Variants in GPRC5C observed in about 807,000 individuals in gnomAD.
The protein encoded by GPRC5C is G protein-coupled receptor family C group 5 member C.
Under a neutral mutation model 31.4 loss-of-function variants are expected in GPRC5C, and 22 were observed. The ratio of observed to expected loss-of-function variants is 0.70; its 90% CI spans 0.50 to 1.00. GPRC5C has a LOEUF of 1.00. Among genes scored for constraint, GPRC5C ranks in the 50% least tolerant of loss-of-function variants. GPRC5C has a pLI of 0.00. For missense variants in GPRC5C, 557 were observed against 597.2 expected (o/e 0.93, Z 0.70); for synonymous variants, 249 against 257.5 (o/e 0.97, Z 0.32).
chr17:74,434,223 G>C (rs1294641529), intron 1 of GPRC5C, among the ~76,000 whole-genome samples: 1 of 152,208 alleles, frequency 6.6e-6, no homozygotes, highest in Non-Finnish European at 1.5e-5. Flanking sequence ...GGCTTCAGCT[G>C]TGGGGTGGGG....
chr17:74,446,819 G>A (rs752524370), intron 3 of GPRC5C, 30 bp from the exon 4 acceptor site: 69 of 1,566,382 alleles, frequency 4.4e-5, no homozygotes, highest in South Asian at 3.3e-4. Context: ...CCCAATCCCC[G>A]ACTGTGAGAC....
rs577716043 is a variant in GPRC5C at position 74,438,599 on chromosome 17, A to G, written c.-32-1146A>G. 2.2e-4 allele frequency among the ~76,000 whole-genome samples: 34 copies of G among 151,510 alleles called. 1 individual carries two copies. In the South Asian group the frequency reaches 6.7e-3, roughly 30 times the overall value. On this transcript the variant is annotated intron_variant, in intron 1 of 3. Transcript: ENST00000392627. ...TTTTTTATAGAGACGGGGTTTCACC[A>G]TGTTGCCCAGGCTGGTCTCAAACTC...
chr17:74,437,987 C>T (rs535951053), intron 1 of GPRC5C, among the ~76,000 whole-genome samples: 7 of 151,950 alleles, frequency 4.6e-5, no homozygotes, highest in Middle Eastern at 6.8e-3. Context: ...AATTTTGAAA[C>T]GTATAACCTG....
chr17:74,444,022 A>G, intron 3 of GPRC5C, 110 bp downstream of exon 3: 1 of 731,268 alleles, frequency 1.4e-6, no homozygotes, highest in Admixed American at 2.8e-5. Context: ...GGAGGTGGTA[A>G]GGGGAAGGCA....
chr17:74,446,783 T>C (rs1036376264), intron 3 of GPRC5C, 66 bp from the exon 4 acceptor site: 50 of 1,261,748 alleles, frequency 4.0e-5, no homozygotes, highest in Non-Finnish European at 4.8e-5. Flanking sequence ...GAAGTGTTTG[T>C]GCATCCGCCC....
At chr17:74,432,601 G>C (rs896230206) in intron 1 of GPRC5C, 1 of 791,110 alleles carries the variant, frequency 1.3e-6, no homozygotes. Flanking sequence ...GGGCAGAGGC[G>C]GGGGGACTGG....
chr17:74,434,734 C>T (rs1598426172), intron 1 of GPRC5C, among the ~76,000 whole-genome samples: 2 of 152,208 alleles, frequency 1.3e-5, no homozygotes, highest in South Asian at 4.1e-4. Flanking sequence ...ACCAGCCTGG[C>T]CAACATAGTG....
At chr17:74,432,887 G>T (rs547718741) in intron 1 of GPRC5C, among the ~76,000 whole-genome samples, 1 of 152,166 alleles carries the variant, frequency 6.6e-6, no homozygotes, top group East Asian at 1.9e-4. Context: ...CTAAAAATGG[G>T]AGAGAGTGAC....
intron 2 of GPRC5C, among the ~76,000 whole-genome samples, chr17:74,441,251 TGGGTGACAGAGCAA>T (rs544352198): frequency 0.014 from 2,104 of 152,230 alleles, 30 homozygotes; most frequent in Middle Eastern, 0.031. Flanking sequence ...CACTCCAGCC[TGGGTGACAGAGCAA>T]GACTCCATCT....
chr17:74,442,924 G>C (rs375755961), intron 2 of GPRC5C, among the ~76,000 whole-genome samples: 2 of 152,150 alleles, frequency 1.3e-5, no homozygotes, highest in Non-Finnish European at 2.9e-5. Context: ...ACTGAATGCC[G>C]GTCGGGGCCA....
At chr17:74,433,835 G>C in intron 1 of GPRC5C, 1 of 1,051,704 alleles carries the variant, frequency 9.5e-7, no homozygotes, top group Non-Finnish European at 1.5e-6. Context: ...CTGGTGGGTG[G>C]AGGGGGTCTC....
chr17:74,440,484 G>A lies in GPRC5C; in HGVS notation c.708G>A (p.Lys236=), dbSNP rs763743449. 3 of 1,614,156 alleles carry A rather than the reference G, an allele frequency of 1.9e-6. No individual in the cohort carries two copies. Among genetic ancestry groups the A allele is most frequent in the South Asian group, 2.2e-5 (2 of 91,092 alleles). Residue 236 remains lysine (K), a synonymous_variant, in exon 2 of 4, where the codon AAG becomes AAA. Coordinates refer to ENST00000392627, the MANE Select transcript of GPRC5C (RefSeq NM_022036.4). This position sits in a 1 kb window ranked among gnomAD's most constrained non-coding sequence, Gnocchi z 4.4. The part of the protein sequence containing the change: ...GAWPALCGRY[K]RWRKHGVFVL... ...GGCCCGCCCTGTGTGGCCGCTACAAGCGCTGGCGTAAGCATGGGGTCTTTG... is the reference window on the plus strand; with the variant it reads ...GGCCCGCCCTGTGTGGCCGCTACAAACGCTGGCGTAAGCATGGGGTCTTTG...
chr17:74,432,492 T>G (rs1447369234), intron 1 of GPRC5C: 4 of 1,026,872 alleles, frequency 3.9e-6, no homozygotes, highest in Non-Finnish European at 4.7e-6. Flanking sequence ...CCCCAAACGC[T>G]GCGCTGGAGC....
rs375638770 is a variant in GPRC5C at position 74,439,911 on chromosome 17, C to G, written c.135C>G (p.Arg45=). 6.2e-7 allele frequency: 1 copy of G among 1,612,804 alleles called. No individual in the cohort carries two copies. The highest frequency in any genetic ancestry group is 8.5e-7 in the Non-Finnish European group (1 of 1,180,030). ...CCCTGTACTACAACCTGTGTGACCGCTCTGGGGCGTGGGGCATCGTCCTGG... is the reference window on the plus strand; with the variant it reads ...CCCTGTACTACAACCTGTGTGACCGGTCTGGGGCGTGGGGCATCGTCCTGG... ...LNPLYYNLCD[R]SGAWGIVLEA... Residue 45 remains arginine (R), a synonymous_variant, in exon 2 of 4, where the codon CGC becomes CGG. Transcript: ENST00000392627.
chr17:74,440,249 C>A lies in GPRC5C; in HGVS notation c.473C>A (p.Thr158Asn). 1.2e-6 allele frequency: 2 copies of A among 1,614,224 alleles called. No homozygotes were observed. The highest frequency in any genetic ancestry group is 1.7e-6 in the Non-Finnish European group (2 of 1,180,044). The change falls in exon 2 of 4, where the codon ACT (threonine) becomes AAT (asparagine). Residue 158 changes from threonine to asparagine, a missense_variant. Transcript: ENST00000392627. The surrounding 1 kb of genome is among the most constrained non-coding windows in gnomAD (Gnocchi z 4.4). ...NHGPRGWVIF[T>N]VALLLTLVEV... The stretch of plus-strand genomic sequence containing the variant: ...GGGCCCCGGGGCTGGGTGATCTTCA[C>A]TGTGGCTCTGCTGCTGACCCTGGTA...
At position 74,440,086 on chromosome 17, in the gene GPRC5C, G is replaced by A. The variant is rs751740086; in HGVS notation, c.310G>A (p.Val104Met). 74 of 1,613,648 alleles carry A rather than the reference G, an allele frequency of 4.6e-5. No individual in the cohort carries two copies. Among genetic ancestry groups the A allele is most frequent in the South Asian group, 1.8e-4 (16 of 91,080 alleles). ...LLGTLGLFCL[V>M]FACVVKPDFS... ...GGGGACCCTGGGCCTCTTCTGCCTC[G>A]TGTTTGCCTGTGTGGTGAAGCCCGA... Residue 104 changes from valine (V) to methionine (M), a missense_variant, in exon 2 of 4, where the codon GTG (valine) becomes ATG (methionine). Val to Met is a conservative substitution (Grantham distance 21). Transcript: ENST00000392627. This position sits in a 1 kb window ranked among gnomAD's most constrained non-coding sequence, Gnocchi z 4.4.
intron 1 of GPRC5C, among the ~76,000 whole-genome samples, chr17:74,435,401 C>G (rs2055418678): frequency 1.3e-5 from 2 of 152,202 alleles, no homozygotes; most frequent in Non-Finnish European, 2.9e-5. Flanking sequence ...TTCCCACCTG[C>G]CCTTCCATTT....
At chr17:74,443,520 C>T (rs1191426620) in intron 2 of GPRC5C, 1 of 549,324 alleles carries the variant, frequency 1.8e-6, no homozygotes, top group Non-Finnish European at 3.5e-6. Flanking sequence ...GTGGAAGTTG[C>T]TGACAGAGCA....
intron 1 of GPRC5C, among the ~76,000 whole-genome samples, chr17:74,437,940 G>T (rs1277675190): frequency 6.6e-6 from 1 of 152,060 alleles, no homozygotes; most frequent in Non-Finnish European, 1.5e-5. Flanking sequence ...ATTTGAACAC[G>T]TGGGGTGACT....
Sources: allele counts gnomAD v4.1 joint callset (sites outside exome capture counted in the v4.1 genomes callset), GRCh38; gene constraint gnomAD v4.1.1; non-coding constraint Gnocchi (gnomAD v3.1); transcripts MANE v1.5; gene names NCBI Gene and HGNC (gene_info 2026-07-23, HGNC 2026-07-21).